ELN: variants seen among roughly 807,000 people sequenced by gnomAD.
The protein encoded by ELN is tropoelastin.
In ELN, 65 loss-of-function variants were observed where a neutral mutation model predicts 105.8. That is an observed-to-expected ratio of 0.61 (90% CI 0.50 to 0.75). The LOEUF (loss-of-function observed/expected upper bound fraction) is 0.75, where lower values mean the gene tolerates loss of function less well. ELN is among the 30% of genes least tolerant of loss of function. The pLI is 0.00. For synonymous variants in ELN, 368 were observed against 389.2 expected (o/e 0.95, Z 0.64); for missense variants, 882 against 969.4 (o/e 0.91, Z 1.20).
At chr7:74,046,630 G>A (rs1792587261) in intron 11 of ELN, 66 bp from the exon 12 acceptor site, 1 of 1,550,534 alleles carries the variant, frequency 6.4e-7, no homozygotes, top group Non-Finnish European at 8.9e-7. Flanking sequence ...AGCAGAAAGT[G>A]GAGTGGGTGG....
rs200666061 is a variant in ELN at position 74,056,407 on chromosome 7, C to T, written c.1287C>T (p.Val429=). 1.9e-5 allele frequency: 31 copies of T among 1,613,574 alleles called. No individual in the cohort carries two copies. The highest frequency in any genetic ancestry group is 4.0e-5 in the African/African-American group (3 of 74,824). Residue 429 remains valine (V), a synonymous_variant, in exon 20 of 33, where the codon GTC becomes GTT. Transcript: ENST00000252034. ...CTGGTGTCGGAGGTGTTCCCGGAGT[C>T]GGAGGTGTCCCGGGAGTTGGCATTT... The part of the protein sequence containing the change: ...GVPGVGGVPG[V]GGVPGVGISP...
intron 15 of ELN, among the ~76,000 whole-genome samples, chr7:74,051,052 C>T (rs555249496): frequency 1.4e-3 from 207 of 152,340 alleles, no homozygotes; most frequent in Non-Finnish European, 2.3e-3. Context: ...GCTAGCATGG[C>T]TGCAGATGGA....
In ELN at chr7:74,060,431, C is replaced by CCCTGGACTTGGAGTTGGTGCTGGTGAT; in HGVS notation, c.1702_1703insATCCTGGACTTGGAGTTGGTGCTGGTG (p.Gly567_Val568insAspProGlyLeuGlyValGlyAlaGly). The stretch of plus-strand genomic sequence containing the variant: ...CTGGACTTGGAGTTGGTGTCGGCGT[C>CCCTGGACTTGGAGTTGGTGCTGGTGAT]CCTGGACTTGGAGTTGGTGCTGGTG... On this transcript the variant is annotated inframe_insertion, in exon 25 of 33. Transcript: ENST00000252034. 6.2e-7 allele frequency: 1 copy of CCCTGGACTTGGAGTTGGTGCTGGTGAT among 1,614,146 alleles called. No individual in the cohort carries two copies. The highest frequency in any genetic ancestry group is 1.3e-5 in the African/African-American group (1 of 75,032).
At chr7:74,030,769 C>G (rs1294368411) in intron 1 of ELN, among the ~76,000 whole-genome samples, 2 of 152,084 alleles carry the variant, frequency 1.3e-5, no homozygotes, top group Non-Finnish European at 2.9e-5. Context: ...ATCTATTAGA[C>G]TTCCCACCCA....
Position 74,035,306 on chromosome 7 carries a change from T to G in ELN, c.83-58T>G, listed in dbSNP as rs542130224. 1.2e-5 allele frequency: 20 copies of G among 1,600,484 alleles called. No individual in the cohort carries two copies. The East Asian group carries it at 4.5e-4, about 36-fold the overall frequency. ...GTAATGGCAAAAATCGCAGTTACTT[T>G]TGCACCAGCCTAATAGTTCTGGCTC... On this transcript the variant is annotated intron_variant, in intron 1 of 32. Coordinates refer to ENST00000252034, the MANE Select transcript of ELN (RefSeq NM_000501.4).
rs1792196459 is a variant in ELN at position 74,045,234 on chromosome 7, C to G, written c.482C>G (p.Pro161Arg). 1.9e-6 allele frequency: 3 copies of G among 1,614,036 alleles called. No individual in the cohort carries two copies. Among genetic ancestry groups the G allele is most frequent in the African/African-American group, 1.3e-5 (1 of 74,942 alleles). ...PGGVLPGARF[P>R]GVGVLPGVPT... ...TGTCCCCCGGCAGGAGCTCGGTTCC[C>G]CGGTGTGGGGGTGCTCCCTGGAGTT... is the stretch of plus-strand genomic sequence containing the variant. The change falls in exon 10 of 33, where the codon CCC (proline) becomes CGC (arginine). Residue 161 changes from proline to arginine, a missense_variant. By Grantham distance (103) the Pro-to-Arg change is moderately radical. Coordinates refer to ENST00000252034, the MANE Select transcript of ELN (RefSeq NM_000501.4).
At chr7:74,048,632 G>T (rs1339210431) in intron 15 of ELN, 76 bp downstream of exon 15, 59 of 1,583,854 alleles carry the variant, frequency 3.7e-5, no homozygotes, top group Admixed American at 7.1e-5. Context: ...TTGACAGCCT[G>T]CCTCCAAAGT....
Position 74,045,287 on chromosome 7 carries a change from G to C in ELN, c.535G>C (p.Ala179Pro), listed in dbSNP as rs372605445. The change falls in exon 10 of 33, where the codon GCT becomes CCT. Residue 179 changes from alanine (A) to proline (P), a missense_variant. Ala to Pro is a conservative substitution (Grantham distance 27). Coordinates refer to ENST00000252034, the MANE Select transcript of ELN (RefSeq NM_000501.4). The part of the protein sequence containing the change: ...VPTGAGVKPK[A>P]PGVGGAFAGI... The stretch of plus-strand genomic sequence containing the variant: ...CACTGGAGCAGGAGTTAAGCCCAAG[G>C]CTCCAGGTATGCAGCTGTCTGGACA... 5 of 1,613,970 alleles carry C rather than the reference G, an allele frequency of 3.1e-6. No homozygotes were observed. Among genetic ancestry groups the C allele is most frequent in the Non-Finnish European group, 4.2e-6 (5 of 1,180,048 alleles).
chr7:74,063,557 A>G lies in ELN; in HGVS notation c.1919-64A>G, dbSNP rs376895869. On this transcript the variant is annotated intron_variant, in intron 28 of 32. Coordinates refer to ENST00000252034, the MANE Select transcript of ELN (RefSeq NM_000501.4). This position sits in a 1 kb window ranked among gnomAD's most constrained non-coding sequence, Gnocchi z 4.1. The stretch of plus-strand genomic sequence containing the variant: ...TCCCCAGAGGACACCTCCGCCCTCC[A>G]CAGGCCGAGGCTTCAGTCCCACCTT... 6 of 1,612,950 alleles carry G rather than the reference A, an allele frequency of 3.7e-6. No individual in the cohort carries two copies. The African/African-American group carries it at 4.0e-5, about 11-fold the overall frequency.
At chr7:74,048,261 C>T (rs139738826) in intron 14 of ELN, 60 bp downstream of exon 14, 38 of 1,608,400 alleles carry the variant, frequency 2.4e-5, no homozygotes, top group Middle Eastern at 1.7e-4. Context: ...GGCTCCAGAG[C>T]CCTGGGGTGG....
intron 2 of ELN, 111 bp from the exon 3 acceptor site, chr7:74,036,443 GC>G (rs1211063046): frequency 1.4e-6 from 2 of 1,447,170 alleles, no homozygotes; most frequent in African/African-American, 2.8e-5. Flanking sequence ...AGCAGGTCTT[GC>G]CCAAGGTCAC....
chr7:74,043,500 C>A, intron 8 of ELN: 1 of 682,284 alleles, frequency 1.5e-6, no homozygotes, highest in Non-Finnish European at 2.7e-6. Context: ...GGGGGAGCCC[C>A]GTGTCCTCTG....
rs782438247 is a variant in ELN at position 74,051,925 on chromosome 7, C to A, written c.891C>A (p.Gly297=). 2 of 1,613,926 alleles carry A rather than the reference C, an allele frequency of 1.2e-6. No individual in the cohort carries two copies. Among genetic ancestry groups the A allele is most frequent in the Admixed American group, 1.7e-5 (1 of 60,022 alleles). ...CACCCTCTGTGGCTGTGTTTTCAGG[C>A]GTTGGGACTCCAGCTGCAGCTGCAG... The part of the protein sequence containing the change: ...GAIPGIGGIA[G]VGTPAAAAAA... The change falls in exon 17 of 33, where the codon GGC becomes GGA. Residue 297 remains glycine, a splice_region_variant and synonymous_variant. Coordinates refer to ENST00000252034, the MANE Select transcript of ELN (RefSeq NM_000501.4).
chr7:74,060,737 C>T (rs2132340964), intron 25 of ELN: 2 of 1,155,442 alleles, frequency 1.7e-6, no homozygotes, highest in Non-Finnish European at 2.4e-6. Flanking sequence ...GGTGGCAGGG[C>T]TCCAGACTGA....
At chr7:74,065,546 G>A in intron 29 of ELN, 148 bp from the exon 30 acceptor site, 1 of 900,786 alleles carries the variant, frequency 1.1e-6, no homozygotes, top group South Asian at 1.5e-5. Context: ...CCCAGGAGAT[G>A]GAGGTTGCAG....
chr7:74,035,852 T>C (rs1297162465), intron 2 of ELN, among the ~76,000 whole-genome samples: 1 of 151,932 alleles, frequency 6.6e-6, no homozygotes, highest in Non-Finnish European at 1.5e-5. Flanking sequence ...GGCAGGAGGA[T>C]CACTTGAGCT....
chr7:74,056,903 T>C (rs1220148868), intron 21 of ELN, among the ~76,000 whole-genome samples, 190 bp downstream of exon 21: 1 of 152,132 alleles, frequency 6.6e-6, no homozygotes, highest in African/African-American at 2.4e-5. Flanking sequence ...CTGTTAGGAC[T>C]GTTGGTCACT....
At chr7:74,037,583 C>A in intron 3 of ELN, 124 bp from the exon 4 acceptor site, 1 of 1,426,254 alleles carries the variant, frequency 7.0e-7, no homozygotes, top group Non-Finnish European at 9.7e-7. Flanking sequence ...GGCTCCAAGT[C>A]TGAGCGGGAG....
intron 31 of ELN, 39 bp from the exon 32 acceptor site, chr7:74,066,693 C>T (rs781869836): frequency 1.1e-5 from 17 of 1,612,344 alleles, no homozygotes; most frequent in Non-Finnish European, 1.4e-5. Context: ...AGTCAGTTTC[C>T]ACCCCTACCA....
Sources: allele counts gnomAD v4.1 joint callset (sites outside exome capture counted in the v4.1 genomes callset), GRCh38; gene constraint gnomAD v4.1.1; non-coding constraint Gnocchi (gnomAD v3.1); transcripts MANE v1.5; gene names NCBI Gene and HGNC (gene_info 2026-07-23, HGNC 2026-07-21).